FOXK1: variants seen among roughly 807,000 people sequenced by gnomAD.
The protein encoded by FOXK1 is forkhead box K1, also known as forkhead box protein K1.
In FOXK1, 19 loss-of-function variants were observed where a neutral mutation model predicts 51.9. The observed-to-expected ratio is 0.37, with a 90% CI of 0.26 to 0.54. The LOEUF (loss-of-function observed/expected upper bound fraction) is 0.54. FOXK1 is among the 20% of genes least tolerant of loss of function. The pLI is 0.87. For synonymous variants in FOXK1, 537 were observed against 482.6 expected (o/e 1.11, Z -1.48); for missense variants, 870 against 1,032.7 (o/e 0.84, Z 2.16).
At chr7:4,732,602 G>A (rs1218629003) in intron 1 of FOXK1, among the ~76,000 whole-genome samples, 1 of 152,164 alleles carries the variant, frequency 6.6e-6, no homozygotes, top group Non-Finnish European at 1.5e-5. Flanking sequence ...ACGGGCATGA[G>A]CCACCGCGCC....
intron 1 of FOXK1, among the ~76,000 whole-genome samples, chr7:4,713,372 G>A (rs897059667): frequency 6.7e-6 from 1 of 148,650 alleles, no homozygotes; most frequent in African/African-American, 2.6e-5. Context: ...GCTTGGTGTC[G>A]CGGAAAAAAC....
At position 4,740,819 on chromosome 7, in the gene FOXK1, G is replaced by A. The variant is rs756214264; in HGVS notation, c.561-19G>A. ...GAGTCTCCTCCTGCACCTCACACCC[G>A]CTCCTCCTCCTGTTGCAGGTGTACC... On this transcript the variant is annotated intron_variant, in intron 1 of 8. Coordinates refer to ENST00000328914, the MANE Select transcript of FOXK1 (RefSeq NM_001037165.2). 28 of 1,587,338 alleles carry A rather than the reference G, an allele frequency of 1.8e-5. 1 individual carries two copies. The highest frequency in any genetic ancestry group is 4.1e-5 in the African/African-American group (3 of 72,968).
chr7:4,727,722 G>A (rs558021914), intron 1 of FOXK1, among the ~76,000 whole-genome samples: 71 of 152,200 alleles, frequency 4.7e-4, no homozygotes, highest in Non-Finnish European at 7.8e-4. Context: ...CCACCTTCCC[G>A]TCACTCCTCG....
chr7:4,723,966 C>T lies in FOXK1; in HGVS notation c.561-16872C>T, dbSNP rs1342549464. Among the ~76,000 whole-genome samples, 3 of 150,060 alleles carry T rather than the reference C, an allele frequency of 2.0e-5. No homozygotes were observed. The highest frequency in any genetic ancestry group is 3.0e-5 in the Non-Finnish European group (2 of 67,610). On this transcript the variant is annotated intron_variant, in intron 1 of 8. Coordinates refer to ENST00000328914, the MANE Select transcript of FOXK1 (RefSeq NM_001037165.2). The surrounding 1 kb of genome is among the most constrained non-coding windows in gnomAD (Gnocchi z 4.7). ...GATTACAGGCGTGCACCTCTGTGCT[C>T]GGCCCATTCGATTTTTAAAACCTTA...
chr7:4,704,307 C>T (rs556437696), intron 1 of FOXK1, among the ~76,000 whole-genome samples: 301 of 151,902 alleles, frequency 2.0e-3, no homozygotes, highest in Middle Eastern at 0.01. Flanking sequence ...AAAAATTAGT[C>T]GGGCGTAGTG....
chr7:4,751,960 GT>G (rs1780784706), intron 2 of FOXK1, among the ~76,000 whole-genome samples: 1 of 152,122 alleles, frequency 6.6e-6, no homozygotes, highest in South Asian at 2.1e-4. Flanking sequence ...GAGGTTTTTT[GT>G]TTGTTTTTTG....
intron 1 of FOXK1, among the ~76,000 whole-genome samples, chr7:4,685,974 A>G (rs1315859971): frequency 6.6e-6 from 1 of 152,078 alleles, no homozygotes; most frequent in East Asian, 1.9e-4. Flanking sequence ...AAAAAAACCA[A>G]AAAACGATTC....
At chr7:4,727,929 A>G (rs111959232) in intron 1 of FOXK1, among the ~76,000 whole-genome samples, 96 of 152,338 alleles carry the variant, frequency 6.3e-4, no homozygotes, top group African/African-American at 2.2e-3. Flanking sequence ...AGCGGCCGGT[A>G]AAATGGAGAC....
At chr7:4,720,992 C>T (rs940963843) in intron 1 of FOXK1, among the ~76,000 whole-genome samples, 6 of 151,962 alleles carry the variant, frequency 3.9e-5, no homozygotes, top group African/African-American at 9.7e-5. Flanking sequence ...ATCCGCCCAC[C>T]TCGGCCTCCC....
Position 4,682,362 on chromosome 7 carries a change from G to C in FOXK1, c.54G>C (p.Ser18=), listed in dbSNP as rs1205484988. Residue 18 remains serine, a synonymous_variant, in exon 1 of 9, where the codon TCG becomes TCC. Transcript: ENST00000328914. This position sits in a 1 kb window ranked among gnomAD's most constrained non-coding sequence, Gnocchi z 7.6. ...SGARALLALR[S]APCSPVLCAA... ...CCCGCGCCCTGCTCGCGCTGCGCTC[G>C]GCGCCCTGCAGCCCAGTGCTGTGCG... 3.0e-6 allele frequency: 3 copies of C among 993,226 alleles called. No homozygotes were observed. The highest frequency in any genetic ancestry group is 6.1e-5 in the Admixed American group (1 of 16,370). 61.5% of individuals were successfully genotyped at this position (993,226 alleles called of 1,614,324 possible).
rs564265550 is a variant in FOXK1 at position 4,751,576 on chromosome 7, C to CTGGTATCGGGGGCCT, written c.747-2875_747-2861dup. Among the ~76,000 whole-genome samples the CTGGTATCGGGGGCCT allele has an allele frequency of 2.2e-3, 337 of 152,332 alleles. 1 individual carries two copies. The highest frequency in any genetic ancestry group is 7.0e-3 in the African/African-American group (289 of 41,580). On this transcript the variant is annotated intron_variant, in intron 2 of 8. Transcript: ENST00000328914. ...CTTCCCGCCTCCGTCAGCTGCAGGC[C>CTGGTATCGGGGGCCT]TGGTATCGGGGGCCTTGGTATCAGG...
In FOXK1 at chr7:4,723,700, C is replaced by A. The variant is rs1780342890; in HGVS notation, c.561-17138C>A. 6.6e-6 allele frequency among the ~76,000 whole-genome samples: 1 copy of A among 152,208 alleles called. No individual in the cohort carries two copies. The highest frequency in any genetic ancestry group is 2.1e-4 in the South Asian group (1 of 4,832). ...TTTGTTTATTTGAGATAGGGTCTTG[C>A]TCTGTCTCCCAGGCTGGAGTGCAGT... On this transcript the variant is annotated intron_variant, in intron 1 of 8. Coordinates refer to ENST00000328914, the MANE Select transcript of FOXK1 (RefSeq NM_001037165.2). This position sits in a 1 kb window ranked among gnomAD's most constrained non-coding sequence, Gnocchi z 4.7.
At chr7:4,716,021 A>G (rs1291893672) in intron 1 of FOXK1, among the ~76,000 whole-genome samples, 1 of 152,112 alleles carries the variant, frequency 6.6e-6, no homozygotes, top group Non-Finnish European at 1.5e-5. Context: ...CACTTGAGGT[A>G]AGGAGTTCAA....
intron 1 of FOXK1, among the ~76,000 whole-genome samples, chr7:4,705,686 G>C (rs1034461794): frequency 2.0e-5 from 3 of 151,600 alleles, no homozygotes; most frequent in African/African-American, 7.3e-5. Flanking sequence ...ATACAGGCTT[G>C]TGCCACCATG....
intron 1 of FOXK1, among the ~76,000 whole-genome samples, chr7:4,719,251 C>T (rs1224613725): frequency 6.6e-6 from 1 of 152,170 alleles, no homozygotes; most frequent in Non-Finnish European, 1.5e-5. Context: ...CCTCCTGACT[C>T]AGCCTCCCGA....
In FOXK1 at chr7:4,715,678, C is replaced by T. The variant is rs2115043960; in HGVS notation, c.561-25160C>T. On this transcript the variant is annotated intron_variant, in intron 1 of 8. Coordinates refer to ENST00000328914, the MANE Select transcript of FOXK1 (RefSeq NM_001037165.2). The surrounding 1 kb of genome is among the most constrained non-coding windows in gnomAD (Gnocchi z 4.5). ...CCTGCTGTGACTGACTGGCAGGAACCTGGGCTTGTCAAGTCAGTCTGTAGT... is the reference window on the plus strand; with the variant it reads ...CCTGCTGTGACTGACTGGCAGGAACTTGGGCTTGTCAAGTCAGTCTGTAGT... Among the ~76,000 whole-genome samples the T allele has an allele frequency of 6.6e-6, 1 of 152,298 alleles. No homozygotes were observed. Among genetic ancestry groups the T allele is most frequent in the Non-Finnish European group, 1.5e-5 (1 of 68,030 alleles).
At chr7:4,685,815 C>T (rs1224801311) in intron 1 of FOXK1, among the ~76,000 whole-genome samples, 5 of 151,818 alleles carry the variant, frequency 3.3e-5, no homozygotes, top group Non-Finnish European at 7.4e-5. Context: ...TGGTGGATCA[C>T]GCCTGTAGTC....
rs146768736 is a variant in FOXK1 at position 4,706,527 on chromosome 7, G to A, written c.560+23659G>A. On this transcript the variant is annotated intron_variant, in intron 1 of 8. Coordinates refer to ENST00000328914, the MANE Select transcript of FOXK1 (RefSeq NM_001037165.2). ...GAGACAGTCCCAAGCAGCATGGCTG[G>A]GTGTCTGTGGTTCCCTCCTATCAAG... Among the ~76,000 whole-genome samples the A allele has an allele frequency of 1.0e-3, 154 of 152,174 alleles. 2 individuals carry two copies. The highest frequency in any genetic ancestry group is 3.6e-3 in the African/African-American group (149 of 41,510).
At chr7:4,746,996 T>C (rs1322011650) in intron 2 of FOXK1, among the ~76,000 whole-genome samples, 1 of 152,240 alleles carries the variant, frequency 6.6e-6, no homozygotes, top group Non-Finnish European at 1.5e-5. Flanking sequence ...TGGGACTTTC[T>C]GTCTTCCTTT....
Sources: allele counts gnomAD v4.1 joint callset (sites outside exome capture counted in the v4.1 genomes callset), GRCh38; gene constraint gnomAD v4.1.1; non-coding constraint Gnocchi (gnomAD v3.1); transcripts MANE v1.5; gene names NCBI Gene and HGNC (gene_info 2026-07-23, HGNC 2026-07-21).